TRAPPC9: variants seen among roughly 807,000 people sequenced by gnomAD.
TRAPPC9 encodes the protein IKK2 binding protein.
In TRAPPC9, 83 loss-of-function variants were observed where a neutral mutation model predicts 124.0. That is an observed-to-expected ratio of 0.67 (90% CI 0.56 to 0.80). TRAPPC9 has a LOEUF of 0.80. Ranked by LOEUF, TRAPPC9 falls within the 30% of genes least tolerant of loss-of-function variation. TRAPPC9 has a pLI of 0.00. For missense variants in TRAPPC9, 1,302 were observed against 1,508.3 expected, an observed-to-expected ratio of 0.86 and a Z score of 2.27; for synonymous variants, 638 against 617.5, an observed-to-expected ratio of 1.03 and a Z score of -0.49.
At chr8:139,836,048 G>A (rs759961087) in intron 21 of TRAPPC9, among the ~76,000 whole-genome samples, 5 of 151,344 alleles carry the variant, frequency 3.3e-5, no homozygotes, top group Non-Finnish European at 7.4e-5. Flanking sequence ...TCACTCCGTC[G>A]CCCAGGCTGG....
In TRAPPC9 at chr8:139,885,956, C is replaced by G; in HGVS notation, c.2978G>C (p.Arg993Pro). ...GICWRIPSLK[R>P]SGEASVEGLL... ...TCCTTCCACACTCGCCTCGCCACTGCGCTTCAGGGAGGGGTGAGCCTTGGT... is the reference window on the plus strand; with the variant it reads ...TCCTTCCACACTCGCCTCGCCACTGGGCTTCAGGGAGGGGTGAGCCTTGGT... The change falls in exon 21 of 23, where the codon CGC becomes CCC. Residue 993 changes from arginine (R) to proline (P), a missense_variant. Physicochemically the swap from Arg to Pro is moderately radical, Grantham distance 103. Around this residue, in one of 3 missense-constraint regions of TRAPPC9, gnomAD observed 640 missense variants for 679.3 expected, o/e 0.94. Coordinates refer to ENST00000438773, the MANE Select transcript of TRAPPC9 (RefSeq NM_001160372.4). The G allele has an allele frequency of 6.4e-7, 1 of 1,567,616 alleles. No individual in the cohort carries two copies. Among genetic ancestry groups the G allele is most frequent in the African/African-American group, 1.3e-5 (1 of 74,116 alleles).
chr8:140,049,338 C>T (rs1344259033), intron 17 of TRAPPC9, among the ~76,000 whole-genome samples: 6 of 152,092 alleles, frequency 3.9e-5, no homozygotes, highest in Admixed American at 1.3e-4. Flanking sequence ...CCTTCCGGGC[C>T]GAAGTGGAAA....
intron 18 of TRAPPC9, among the ~76,000 whole-genome samples, chr8:140,003,739 A>T (rs1838563737): frequency 6.6e-6 from 1 of 152,254 alleles, no homozygotes; most frequent in Non-Finnish European, 1.5e-5. Context: ...ATCCACTGCT[A>T]GTAGAGATGG....
At chr8:140,445,907 A>G (rs1198221558) in intron 2 of TRAPPC9, among the ~76,000 whole-genome samples, 1 of 152,210 alleles carries the variant, frequency 6.6e-6, no homozygotes, top group Non-Finnish European at 1.5e-5. Context: ...CCAGCCAAAG[A>G]GTGTCCTGCA....
At chr8:140,202,163 TAAAAA>T (rs397698897) in intron 17 of TRAPPC9, among the ~76,000 whole-genome samples, 1 of 135,872 alleles carries the variant, frequency 7.4e-6, no homozygotes, top group East Asian at 2.1e-4. Flanking sequence ...CTTCTGTAAT[TAAAAA>T]AAAAAAAAAA....
rs533607487 is a variant in TRAPPC9, at chr8:140,404,858, G to A, written c.1008+719C>T. Among the ~76,000 whole-genome samples the A allele has an allele frequency of 7.2e-5, 11 of 152,054 alleles. No individual in the cohort carries two copies. The East Asian group carries it at 9.7e-4, about 13-fold the overall frequency. ...CATGCGTGTGTACGTGCCTGTGTGC[G>A]GGTGTGAGCATGCGCGTGTAAGTGC... On this transcript the variant is annotated intron_variant, in intron 6 of 22. Coordinates refer to ENST00000438773, the MANE Select transcript of TRAPPC9 (RefSeq NM_001160372.4).
rs1355678508 is a variant in TRAPPC9 at position 139,885,888 on chromosome 8, G to A, written c.3046C>T (p.Leu1016=). 31 of 1,564,408 alleles carry A rather than the reference G, an allele frequency of 2.0e-5. No homozygotes were observed. The highest frequency in any genetic ancestry group is 1.7e-4 in the Middle Eastern group (1 of 6,002). Residue 1016 remains leucine, a synonymous_variant, in exon 21 of 23, where the codon CTG becomes TTG. Transcript: ENST00000438773. ...GCTGGCGGGTACTCACCCCACTGCAGAGGCGCCAGCTGCAGGTGCTCCAGG... is the reference window on the plus strand; with the variant it reads ...GCTGGCGGGTACTCACCCCACTGCAAAGGCGCCAGCTGCAGGTGCTCCAGG... ...LVLEHLQLAP[L]QWDVLVDGQP...
At chr8:140,083,018 C>G (rs1258722826) in intron 17 of TRAPPC9, among the ~76,000 whole-genome samples, 1 of 152,274 alleles carries the variant, frequency 6.6e-6, no homozygotes, top group East Asian at 1.9e-4. Flanking sequence ...CATGGTAAAA[C>G]CCCCTCTCTA....
At chr8:140,355,549 T>C (rs773805108) in intron 9 of TRAPPC9, among the ~76,000 whole-genome samples, 12 of 152,320 alleles carry the variant, frequency 7.9e-5, no homozygotes, top group Non-Finnish European at 1.3e-4. Flanking sequence ...CCAGTATTTC[T>C]GGTAGACCTT....
At chr8:139,852,594 A>C (rs924735426) in intron 21 of TRAPPC9, among the ~76,000 whole-genome samples, 15 of 152,228 alleles carry the variant, frequency 9.9e-5, no homozygotes, top group African/African-American at 3.6e-4. Flanking sequence ...TGGGCTCCCA[A>C]AGGCACTAAT....
chr8:140,119,186 C>A (rs1252136995), intron 17 of TRAPPC9, among the ~76,000 whole-genome samples: 1 of 152,248 alleles, frequency 6.6e-6, no homozygotes, highest in Non-Finnish European at 1.5e-5. Context: ...CCAGCCAAAC[C>A]ACGCCAGGCG....
At chr8:140,439,892 T>C (rs547602620) in intron 2 of TRAPPC9, among the ~76,000 whole-genome samples, 2 of 152,262 alleles carry the variant, frequency 1.3e-5, no homozygotes, top group South Asian at 4.1e-4. Flanking sequence ...TGCAGCTGGA[T>C]TAAACTTTCC....
Position 140,287,428 on chromosome 8 carries a change from C to G in TRAPPC9, c.1981+180G>C, listed in dbSNP as rs533244404. Among the ~76,000 whole-genome samples the G allele has an allele frequency of 1.4e-3, 208 of 152,234 alleles. 1 individual carries two copies. The highest frequency in any genetic ancestry group is 4.5e-3 in the African/African-American group (188 of 41,556). On this transcript the variant is annotated intron_variant, in intron 13 of 22. Coordinates refer to ENST00000438773, the MANE Select transcript of TRAPPC9 (RefSeq NM_001160372.4). ...AGAGCACAGGAAGGACCCCTCCCAC[C>G]ACCACACATCCCGCACCCCACGAAC...
rs770749767 is a variant in TRAPPC9 at position 140,104,825 on chromosome 8, G to A, written c.2557-80746C>T. 4.6e-5 allele frequency among the ~76,000 whole-genome samples: 7 copies of A among 152,158 alleles called. No homozygotes were observed. The highest frequency in any genetic ancestry group is 7.4e-5 in the Non-Finnish European group (5 of 68,026). The stretch of plus-strand genomic sequence containing the variant: ...TTAGGACATTTCCCAGAGTTGCCTC[G>A]AACTGAAGCCTTACTTCCTCTTTCT... On this transcript the variant is annotated intron_variant, in intron 17 of 22. Coordinates refer to ENST00000438773, the MANE Select transcript of TRAPPC9 (RefSeq NM_001160372.4). The surrounding 1 kb of genome is among the most constrained non-coding windows in gnomAD (Gnocchi z 4.0).
At chr8:140,200,407 C>T (rs1294138641) in intron 17 of TRAPPC9, among the ~76,000 whole-genome samples, 2 of 152,104 alleles carry the variant, frequency 1.3e-5, no homozygotes, top group Admixed American at 6.6e-5. Flanking sequence ...GTGAGCTCCA[C>T]TTAGTGATTT....
intron 19 of TRAPPC9, among the ~76,000 whole-genome samples, chr8:139,987,860 G>A (rs970498895): frequency 2.6e-5 from 4 of 152,080 alleles, no homozygotes; most frequent in Non-Finnish European, 1.5e-5. Flanking sequence ...CCCTGGCCTC[G>A]CTCCTGACCA....
chr8:140,018,324 A>ATTTTTTATTTTTTTTTTTTT (rs765656679), intron 18 of TRAPPC9, among the ~76,000 whole-genome samples: 2 of 119,778 alleles, frequency 1.7e-5, no homozygotes, highest in East Asian at 2.5e-4. Flanking sequence ...AACGTAAGTG[A>ATTTTTTATTTTTTTTTTTTT]TTTTTTTTTT....
chr8:140,414,252 G>A (rs1354538585), intron 5 of TRAPPC9, among the ~76,000 whole-genome samples: 1 of 152,146 alleles, frequency 6.6e-6, no homozygotes, highest in Non-Finnish European at 1.5e-5. Flanking sequence ...ATAAAAAGAA[G>A]GCCAGGAGCA....
intron 21 of TRAPPC9, among the ~76,000 whole-genome samples, chr8:139,870,776 G>A (rs1266054381): frequency 6.6e-6 from 1 of 152,244 alleles, no homozygotes; most frequent in Non-Finnish European, 1.5e-5. Context: ...GGGTTAAGGA[G>A]AAGGAGACTT....
Sources: gnomAD v4.1 joint callset for allele counts (sites outside exome capture counted in the v4.1 genomes callset) on GRCh38, gnomAD v4.1.1 for gene constraint, gnomAD v4.1.1 regional missense constraint, Gnocchi (gnomAD v3.1) non-coding constraint, MANE v1.5 for transcripts, NCBI Gene and HGNC (gene_info 2026-07-23, HGNC 2026-07-21) for gene names.